LIMA1: variants seen among roughly 807,000 people sequenced by gnomAD.
LIMA1 encodes LIM domain and actin binding 1.
In LIMA1, 52 loss-of-function variants were observed where a neutral mutation model predicts 62.6. The observed-to-expected ratio is 0.83, with a 90% confidence interval of 0.67 to 1.05. The LOEUF (loss-of-function observed/expected upper bound fraction) is 1.05, where lower values mean the gene tolerates loss of function less well. Among genes scored for constraint, LIMA1 ranks in the 50% least tolerant of loss-of-function variants. The probability of loss-of-function intolerance (pLI) is 0.00; values close to 1 mark genes in which losing one functional copy is unlikely to be tolerated. For synonymous variants in LIMA1, 302 were observed against 317.8 expected (o/e 0.95, Z 0.53); for missense variants, 780 against 902.2 (o/e 0.86, Z 1.74).
At chr12:50,232,373 C>CTTTTTTT (rs112911088) in intron 2 of LIMA1, among the ~76,000 whole-genome samples, 1 of 137,114 alleles carries the variant, frequency 7.3e-6, no homozygotes, top group African/African-American at 2.7e-5. Flanking sequence ...TTTCTTTTTT[C>CTTTTTTT]TTTTTTTTTT....
At chr12:50,203,766 C>T (rs961137382) in intron 6 of LIMA1, among the ~76,000 whole-genome samples, 7 of 152,116 alleles carry the variant, frequency 4.6e-5, no homozygotes, top group Non-Finnish European at 1.0e-4. Context: ...TGATCTCTCC[C>T]TTTTCCTTAT....
intron 1 of LIMA1, among the ~76,000 whole-genome samples, chr12:50,259,930 G>A (rs753990314): frequency 6.6e-6 from 1 of 152,070 alleles, no homozygotes; most frequent in Non-Finnish European, 1.5e-5. Context: ...ACAAAAATGA[G>A]GCTGTGTAAT....
At chr12:50,245,761 G>C (rs534392933) in intron 2 of LIMA1, among the ~76,000 whole-genome samples, 1 of 152,042 alleles carries the variant, frequency 6.6e-6, no homozygotes, top group South Asian at 2.1e-4. Context: ...CTGGAGGCTG[G>C]CACGCCACTG....
chr12:50,270,915 ACC>A (rs201531298), intron 1 of LIMA1, among the ~76,000 whole-genome samples: 3,486 of 151,622 alleles, frequency 0.023, 126 homozygotes, highest in African/African-American at 0.08. Flanking sequence ...ACACAGTGAA[ACC>A]CCGTCTCTAC....
intron 9 of LIMA1, among the ~76,000 whole-genome samples, chr12:50,184,603 CT>C (rs1940584737): frequency 6.6e-6 from 1 of 152,148 alleles, no homozygotes; most frequent in Admixed American, 6.6e-5. Flanking sequence ...GATCTCATCA[CT>C]GCCCTCCAGC....
chr12:50,183,844 G>C (rs1457856275), intron 9 of LIMA1, among the ~76,000 whole-genome samples: 2 of 141,026 alleles, frequency 1.4e-5, no homozygotes, highest in African/African-American at 2.6e-5. Context: ...ACCCAAAACA[G>C]GCCCATAAAA....
chr12:50,177,869 C>G lies in LIMA1; in HGVS notation c.1475G>C (p.Gly492Ala). The G allele has an allele frequency of 6.2e-7, 1 of 1,613,288 alleles. No homozygotes were observed. The highest frequency in any genetic ancestry group is 8.5e-7 in the Non-Finnish European group (1 of 1,179,674). ...CTTAGCAATAGGGGCATCTTCTACC[C>G]CTGGGCTGTGAGGGGTCTCCCTTGC... ...ANARETPHSP[G>A]VEDAPIAKVG... Residue 492 changes from glycine to alanine, a missense_variant, in exon 11 of 11, where the codon GGG becomes GCG. Transcript: ENST00000341247.
At chr12:50,185,301 G>A (rs1433800193) in intron 9 of LIMA1, 10 of 450,860 alleles carry the variant, frequency 2.2e-5, no homozygotes, top group East Asian at 1.4e-4. Context: ...ACAAACACAC[G>A]GAGGGGAGGC....
intron 8 of LIMA1, among the ~76,000 whole-genome samples, chr12:50,194,978 G>C (rs539293530): frequency 6.8e-4 from 104 of 152,186 alleles, no homozygotes; most frequent in African/African-American, 2.2e-3. Flanking sequence ...AACCTGGGAG[G>C]GGGAGGTTAC....
Position 50,177,338 on chromosome 12 carries a change from C to G in LIMA1, c.2006G>C (p.Gly669Ala), listed in dbSNP as rs768247626. 7 of 1,614,198 alleles carry G rather than the reference C, an allele frequency of 4.3e-6. No homozygotes were observed. The highest frequency in any genetic ancestry group is 3.4e-6 in the Non-Finnish European group (4 of 1,180,038). Residue 669 changes from glycine to alanine, a missense_variant, in exon 11 of 11, where the codon GGT becomes GCT. Gly to Ala is a moderately conservative substitution (Grantham distance 60). Transcript: ENST00000341247. The stretch of plus-strand genomic sequence containing the variant: ...CTCATTCTCCATCTCCAAACTATGA[C>G]CTTCCTTACTTCTCTTCCCTGTCTC... ...KGETGKRSKE[G>A]HSLEMENENL...
intron 10 of LIMA1, among the ~76,000 whole-genome samples, chr12:50,178,938 C>T (rs372638211): frequency 6.7e-6 from 1 of 149,886 alleles, no homozygotes; most frequent in Non-Finnish European, 1.5e-5. Flanking sequence ...CTATTCTTAA[C>T]GGTATATAAA....
At chr12:50,182,357 T>C (rs1239521068) in intron 9 of LIMA1, among the ~76,000 whole-genome samples, 5 of 133,862 alleles carry the variant, frequency 3.7e-5, no homozygotes, top group African/African-American at 1.4e-4. Flanking sequence ...GGGGAAGGGG[T>C]CGGGGGGGGG....
intron 1 of LIMA1, among the ~76,000 whole-genome samples, chr12:50,252,138 T>G (rs950874048): frequency 6.6e-6 from 1 of 152,000 alleles, no homozygotes; most frequent in African/African-American, 2.4e-5. Flanking sequence ...TCTGGCTTTG[T>G]GAGAGGGAAA....
intron 3 of LIMA1, chr12:50,229,907 A>C (rs1941584377): frequency 6.6e-6 from 1 of 152,468 alleles, no homozygotes; most frequent in Non-Finnish European, 1.5e-5. Flanking sequence ...TCCCTGGCTC[A>C]TGTCTTCAAA....
chr12:50,269,989 C>T lies in LIMA1; in HGVS notation c.-24+13431G>A, dbSNP rs1177698289. 1.1e-4 allele frequency among the ~76,000 whole-genome samples: 17 copies of T among 149,344 alleles called. No individual in the cohort carries two copies. In the Admixed American group the frequency reaches 1.1e-3, roughly 10 times the overall value. On this transcript the variant is annotated intron_variant, in intron 1 of 10. Coordinates refer to ENST00000341247, the MANE Select transcript of LIMA1 (RefSeq NM_016357.5). Reference sequence around the variant, plus strand: ...GTGGCTTATGACTGTAATCTCAGCACTCTGGGAGGCCGAGGTGGGCGGATC... The same window carrying T: ...GTGGCTTATGACTGTAATCTCAGCATTCTGGGAGGCCGAGGTGGGCGGATC...
intron 2 of LIMA1, 144 bp from the exon 3 acceptor site, chr12:50,231,854 A>C (rs968068441): frequency 5.8e-5 from 41 of 707,708 alleles, no homozygotes; most frequent in Non-Finnish European, 5.2e-5. Flanking sequence ...TGCAACTTCT[A>C]CCTCCCGGGT....
chr12:50,243,085 C>T (rs1941800020), intron 2 of LIMA1, among the ~76,000 whole-genome samples: 1 of 152,158 alleles, frequency 6.6e-6, no homozygotes, highest in South Asian at 2.1e-4. Flanking sequence ...TCAATAGGAA[C>T]TTCTTACCTC....
In LIMA1 at chr12:50,196,060, A is replaced by C. The variant is rs370407807; in HGVS notation, c.973-173T>G. The stretch of plus-strand genomic sequence containing the variant: ...TGAGCATTTGAACAAGAGGCAGCAA[A>C]ATGTCTTTTATGAGGATATTAACAT... On this transcript the variant is annotated intron_variant, in intron 7 of 10. Transcript: ENST00000341247. 1.9e-5 allele frequency: 11 copies of C among 583,144 alleles called. 1 individual carries two copies. The highest frequency in any genetic ancestry group is 1.5e-4 in the East Asian group (5 of 32,738). 36.1% of individuals were successfully genotyped at this position (583,144 alleles called of 1,614,324 possible). A position where few individuals can be genotyped will look rare whatever the true frequency, so the allele number is the denominator to read the frequency against.
At chr12:50,182,114 CTT>C (rs1940518325) in intron 9 of LIMA1, 77 bp from the exon 10 acceptor site, 2 of 1,550,772 alleles carry the variant, frequency 1.3e-6, no homozygotes, top group East Asian at 4.5e-5. Context: ...CTAGAATTTA[CTT>C]TGTCTAAGGG....
Sources: gnomAD v4.1 joint callset for allele counts (sites outside exome capture counted in the v4.1 genomes callset) on GRCh38, gnomAD v4.1.1 for gene constraint, MANE v1.5 for transcripts, NCBI Gene and HGNC (gene_info 2026-07-23, HGNC 2026-07-21) for gene names.